The following PLCH1 variants were observed in gnomAD, a reference collection of about 807,000 sequenced individuals.
PLCH1 encodes 1-phosphatidylinositol 4,5-bisphosphate phosphodiesterase eta-1.
In PLCH1, 60 loss-of-function variants were observed where a neutral mutation model predicts 126.7. The observed-to-expected ratio is 0.47, with a 90% CI of 0.38 to 0.59. The LOEUF (loss-of-function observed/expected upper bound fraction) is 0.59, where lower values mean the gene tolerates loss of function less well. PLCH1 is among the 20% of genes least tolerant of loss of function. The probability of loss-of-function intolerance (pLI) is 0.00; values close to 1 mark genes in which losing one functional copy is unlikely to be tolerated. For synonymous variants in PLCH1, 719 were observed against 734.9 expected (o/e 0.98, Z 0.35); for missense variants, 1,723 against 2,040.0 (o/e 0.84, Z 2.99).
At chr3:155,636,572 C>A (rs1429192857) in intron 2 of PLCH1, among the ~76,000 whole-genome samples, 1 of 151,810 alleles carries the variant, frequency 6.6e-6, no homozygotes, top group African/African-American at 2.4e-5. Flanking sequence ...CATGGAGAAA[C>A]CCCGTTTCTA....
At chr3:155,484,639 A>G (rs970521053) in intron 22 of PLCH1, among the ~76,000 whole-genome samples, 1 of 152,212 alleles carries the variant, frequency 6.6e-6, no homozygotes, top group Non-Finnish European at 1.5e-5. Flanking sequence ...CCCAGATAGG[A>G]TGGGTTGGGA....
At chr3:155,685,053 G>A (rs1319001986) in intron 2 of PLCH1, among the ~76,000 whole-genome samples, 1 of 152,116 alleles carries the variant, frequency 6.6e-6, no homozygotes, top group Non-Finnish European at 1.5e-5. Context: ...GTATCTCCAG[G>A]GCCTAGAACG....
rs138962651 is a variant in PLCH1, at chr3:155,661,105, T to C, written c.79+43041A>G. ...ATATATGATACCTTCCCTGGTGGTC[T>C]AGTGGTTAGGATTCGGCACTCTCAT... On this transcript the variant is annotated intron_variant, in intron 2 of 22. Coordinates refer to ENST00000460012, the MANE Select transcript of PLCH1 (RefSeq NM_014996.4). Among the ~76,000 whole-genome samples, 862 of 152,336 alleles carry C rather than the reference T, an allele frequency of 5.7e-3. 12 individuals carry two copies. The highest frequency in any genetic ancestry group is 0.02 in the African/African-American group (816 of 41,570).
intron 2 of PLCH1, among the ~76,000 whole-genome samples, chr3:155,627,253 T>C (rs1737421810): frequency 6.6e-6 from 1 of 152,116 alleles, no homozygotes; most frequent in Non-Finnish European, 1.5e-5. Flanking sequence ...GCAGAGATAC[T>C]GACATAATGA....
rs184771758 is a variant in PLCH1 at position 155,743,028 on chromosome 3, T to C, written c.-41+1812A>G. On this transcript the variant is annotated intron_variant, in intron 1 of 22. Transcript: ENST00000460012. ...CATTTTAAATTTGTATTAGCATTTA[T>C]GTTAATTCTAACCAATGTTAAATAG... 4.3e-3 allele frequency: 1,140 copies of C among 267,050 alleles called. 27 individuals are homozygous for C. The highest frequency in any genetic ancestry group is 0.03 in the Admixed American group (568 of 19,194). The allele number at this position is 267,050 out of a possible 1,614,324, so 16.5% of individuals were successfully genotyped here. A position where few individuals can be genotyped will look rare whatever the true frequency, so the allele number is the denominator to read the frequency against.
rs191070082 is a variant in PLCH1 at position 155,597,106 on chromosome 3, G to A, written c.80-728C>T. On this transcript the variant is annotated intron_variant, in intron 2 of 22. Transcript: ENST00000460012. ...ATATAGGAATCTGTTATTTTTGCCTGTTTCCCCTTGTTTGGTAATGGTGCC... is the reference window on the plus strand; with the variant it reads ...ATATAGGAATCTGTTATTTTTGCCTATTTCCCCTTGTTTGGTAATGGTGCC... Among the ~76,000 whole-genome samples the A allele has an allele frequency of 1.8e-3, 270 of 150,400 alleles. 1 individual carries two copies. Among genetic ancestry groups the A allele is most frequent in the African/African-American group, 6.3e-3 (257 of 40,608 alleles).
At chr3:155,569,198 T>C (rs1728900030) in intron 6 of PLCH1, among the ~76,000 whole-genome samples, 2 of 152,206 alleles carry the variant, frequency 1.3e-5, no homozygotes, top group African/African-American at 4.8e-5. Flanking sequence ...AAGAATGTGA[T>C]ATTTTGATCA....
Position 155,646,105 on chromosome 3 carries a change from T to G in PLCH1, c.80-49727A>C, listed in dbSNP as rs559097645. Among the ~76,000 whole-genome samples, 7 of 152,274 alleles carry G rather than the reference T, an allele frequency of 4.6e-5. No individual in the cohort carries two copies. The South Asian group carries it at 1.4e-3, about 32-fold the overall frequency. ...TGTTGGTTTGCATGTGAAAGGTGTG[T>G]TTCTGGAGAGCTGTTTACGATCTCT... On this transcript the variant is annotated intron_variant, in intron 2 of 22. Transcript: ENST00000460012.
intron 2 of PLCH1, among the ~76,000 whole-genome samples, chr3:155,654,202 G>C (rs948409291): frequency 3.3e-5 from 5 of 151,600 alleles, no homozygotes; most frequent in African/African-American, 1.2e-4. Context: ...CATATTCCCT[G>C]GTGTTTCTCA....
In PLCH1 at chr3:155,494,254, C is replaced by T; in HGVS notation, c.2075-6G>A. 6.2e-7 allele frequency: 1 copy of T among 1,612,648 alleles called. No individual in the cohort carries two copies. The highest frequency in any genetic ancestry group is 1.1e-5 in the South Asian group (1 of 91,046). ...AGATTGATAATTCAGTGCCACTGTG[C>T]AAGTTGAAAGTGGGAGAGAATTAGG... is the stretch of plus-strand genomic sequence containing the variant. On this transcript the variant is annotated splice_polypyrimidine_tract_variant and splice_region_variant and intron_variant, in intron 16 of 22. Transcript: ENST00000460012.
chr3:155,531,178 T>G (rs1383324225), intron 10 of PLCH1, among the ~76,000 whole-genome samples: 1 of 152,236 alleles, frequency 6.6e-6, no homozygotes, highest in Non-Finnish European at 1.5e-5. Context: ...AAATGAGCAC[T>G]GGCTTCAACT....
chr3:155,453,845 A>G (rs1015512724), intron 21 of PLCH1, among the ~76,000 whole-genome samples: 2 of 151,694 alleles, frequency 1.3e-5, no homozygotes, highest in African/African-American at 4.8e-5. Context: ...CTTCTAATAA[A>G]TATGCATCTT....
Position 155,494,392 on chromosome 3 carries a change from T to C in PLCH1, c.2020A>G (p.Ile674Val). Residue 674 changes from isoleucine to valine, a missense_variant, in exon 16 of 23, where the codon ATT (isoleucine) becomes GTT (valine). Physicochemically the swap from Ile to Val is conservative, Grantham distance 29 (BLOSUM62 3). Transcript: ENST00000460012. Reference protein sequence around the residue: ...LTRIYPSAYRIDSSNFNPLPY... With the variant: ...LTRIYPSAYRVDSSNFNPLPY... The stretch of plus-strand genomic sequence containing the variant: ...AGAGGGTTGAAGTTACTGGAATCAA[T>C]GCGGTAGGCAGAGGGGTAAATCCTC... 1 of 1,614,156 alleles carries C rather than the reference T, an allele frequency of 6.2e-7. No homozygotes were observed. Among genetic ancestry groups the C allele is most frequent in the Non-Finnish European group, 8.5e-7 (1 of 1,180,006 alleles).
intron 2 of PLCH1, among the ~76,000 whole-genome samples, chr3:155,627,332 A>T (rs1357119334): frequency 2.0e-5 from 3 of 152,232 alleles, no homozygotes; most frequent in African/African-American, 7.2e-5. Context: ...GTAATGGTTT[A>T]AAAACAAATT....
intron 13 of PLCH1, among the ~76,000 whole-genome samples, chr3:155,501,488 A>G (rs973187327): frequency 2.0e-4 from 30 of 152,158 alleles, no homozygotes; most frequent in African/African-American, 7.2e-4. Flanking sequence ...TAGGCAACAC[A>G]GACCTCAACA....
At chr3:155,520,888 A>T (rs1293808462) in intron 11 of PLCH1, among the ~76,000 whole-genome samples, 1 of 152,202 alleles carries the variant, frequency 6.6e-6, no homozygotes, top group Non-Finnish European at 1.5e-5. Flanking sequence ...ATTACATAAG[A>T]AAAAAACTTA....
chr3:155,512,014 C>T (rs565767069), intron 12 of PLCH1, among the ~76,000 whole-genome samples: 1 of 151,418 alleles, frequency 6.6e-6, no homozygotes, highest in Non-Finnish European at 1.5e-5. Flanking sequence ...ATTCCGTGGG[C>T]GTAGGACCCT....
intron 2 of PLCH1, among the ~76,000 whole-genome samples, chr3:155,688,460 C>G (rs1474105345): frequency 6.6e-6 from 1 of 152,158 alleles, no homozygotes; most frequent in Non-Finnish European, 1.5e-5. Context: ...AGAACAGAAG[C>G]CTACACCATT....
At chr3:155,706,646 T>C (rs1577348696) in intron 1 of PLCH1, among the ~76,000 whole-genome samples, 1 of 151,768 alleles carries the variant, frequency 6.6e-6, no homozygotes, top group African/African-American at 2.4e-5. Flanking sequence ...CAAATTATTA[T>C]ACATTCCTCC....
Sources: gnomAD v4.1 joint callset for allele counts (sites outside exome capture counted in the v4.1 genomes callset) on GRCh38, gnomAD v4.1.1 for gene constraint, MANE v1.5 for transcripts, NCBI Gene and HGNC (gene_info 2026-07-23, HGNC 2026-07-21) for gene names.